The following CDK19 variants were observed in gnomAD, a reference collection of about 807,000 sequenced individuals.
The protein encoded by CDK19 is cyclin dependent kinase 19.
In CDK19, 20 loss-of-function variants were observed where a neutral mutation model predicts 68.3. The observed-to-expected ratio is 0.29, with a 90% CI of 0.21 to 0.43. The LOEUF is 0.43. CDK19 is among the 20% of genes least tolerant of loss of function. The pLI is 1.00. For synonymous variants in CDK19, 221 were observed against 222.8 expected, an observed-to-expected ratio of 0.99 and a Z score of 0.07; for missense variants, 339 against 623.5, an observed-to-expected ratio of 0.54 and a Z score of 4.86.
intron 1 of CDK19, among the ~76,000 whole-genome samples, chr6:110,787,985 G>A (rs1169262721): frequency 6.6e-6 from 1 of 151,924 alleles, no homozygotes; most frequent in Admixed American, 6.6e-5. Context: ...GATTACAGTC[G>A]TGCGCCACCA....
In CDK19 at chr6:110,614,561, G is replaced by T. The variant is rs928696407; in HGVS notation, c.1483C>A (p.Pro495Thr). 3.7e-6 allele frequency: 6 copies of T among 1,613,948 alleles called. No individual in the cohort carries two copies. In the African/African-American group the frequency reaches 8.0e-5, roughly 22 times the overall value. ...CAGTACCGGTGGGCCTGGTGAGATGGGTGGTACTGTGAGCTCTGCTGAGAC... is the reference window on the plus strand; with the variant it reads ...CAGTACCGGTGGGCCTGGTGAGATGTGTGGTACTGTGAGCTCTGCTGAGAC... Reference protein sequence around the residue: ...SSSQQSSQYHPSHQAHRY With the variant: ...SSSQQSSQYHTSHQAHRY The change falls in exon 13 of 13, where the codon CCA becomes ACA. Residue 495 changes from proline (P) to threonine (T), a missense_variant. By Grantham distance (38) the Pro-to-Thr change is conservative. Coordinates refer to ENST00000368911, the MANE Select transcript of CDK19 (RefSeq NM_015076.5).
At chr6:110,792,695 T>C (rs984287081) in intron 1 of CDK19, among the ~76,000 whole-genome samples, 71 of 152,260 alleles carry the variant, frequency 4.7e-4, no homozygotes, top group African/African-American at 1.7e-3. Context: ...CGAATACTTT[T>C]TTATAACAAT....
intron 2 of CDK19, among the ~76,000 whole-genome samples, chr6:110,720,560 T>G (rs144512367): frequency 9.3e-4 from 142 of 152,298 alleles, no homozygotes; most frequent in African/African-American, 3.1e-3. Flanking sequence ...CTAGCTTCAC[T>G]AAGATACATC....
At chr6:110,798,250 C>T (rs1426326504) in intron 1 of CDK19, among the ~76,000 whole-genome samples, 1 of 151,824 alleles carries the variant, frequency 6.6e-6, no homozygotes, top group East Asian at 1.9e-4. Flanking sequence ...AAGATGGCAA[C>T]TGTATTAAAG....
intron 1 of CDK19, among the ~76,000 whole-genome samples, chr6:110,783,653 A>G (rs1340078775): frequency 1.3e-5 from 2 of 151,974 alleles, no homozygotes; most frequent in Non-Finnish European, 2.9e-5. Flanking sequence ...AAAAAAAGAA[A>G]AAAAAAAGCA....
intron 4 of CDK19, among the ~76,000 whole-genome samples, chr6:110,664,355 G>A (rs1261742287): frequency 1.3e-5 from 2 of 152,118 alleles, no homozygotes; most frequent in Admixed American, 6.5e-5. Flanking sequence ...TTCTGGCCTT[G>A]CATAGATTCA....
At chr6:110,731,132 AAAGAAAAAAG>A (rs1439176241) in intron 2 of CDK19, among the ~76,000 whole-genome samples, 2 of 146,070 alleles carry the variant, frequency 1.4e-5, no homozygotes, top group Non-Finnish European at 1.5e-5. Context: ...AAAGAAAAGA[AAAGAAAAAAG>A]AAAAGAAAAG....
rs1458525278 is a variant in CDK19, at chr6:110,621,479, T to C, written c.1111-109A>G. The stretch of plus-strand genomic sequence containing the variant: ...CTGACCAACCTGGGGGAGCAATCTA[T>C]GTGGGACACTAGAGTGATGGGGAGG... On this transcript the variant is annotated intron_variant, in intron 11 of 12. Coordinates refer to ENST00000368911, the MANE Select transcript of CDK19 (RefSeq NM_015076.5). The surrounding 1 kb of genome is among the most constrained non-coding windows in gnomAD (Gnocchi z 5.4). The C allele has an allele frequency of 6.6e-6, 7 of 1,056,166 alleles. No homozygotes were observed. Among genetic ancestry groups the C allele is most frequent in the South Asian group, 4.7e-5 (3 of 63,874 alleles). 65.4% of individuals were successfully genotyped at this position (1,056,166 alleles called of 1,614,324 possible).
intron 2 of CDK19, among the ~76,000 whole-genome samples, chr6:110,705,259 CA>C (rs1360458365): frequency 1.3e-5 from 2 of 152,104 alleles, no homozygotes; most frequent in African/African-American, 4.8e-5. Flanking sequence ...AGGCTGGTCT[CA>C]AACTCCCAAC....
intron 1 of CDK19, among the ~76,000 whole-genome samples, chr6:110,781,927 T>C (rs368727273): frequency 7.1e-5 from 9 of 126,062 alleles, no homozygotes; most frequent in African/African-American, 3.1e-4. Context: ...CCAAAGTGGC[T>C]CCCTCACCGC....
intron 2 of CDK19, among the ~76,000 whole-genome samples, chr6:110,688,337 C>CTATATA (rs201328968): frequency 2.7e-5 from 4 of 149,740 alleles, no homozygotes; most frequent in African/African-American, 4.9e-5. Flanking sequence ...AAACAAAAAA[C>CTATATA]TATATATATA....
intron 4 of CDK19, among the ~76,000 whole-genome samples, chr6:110,660,494 G>A (rs1254821660): frequency 1.3e-5 from 2 of 152,144 alleles, no homozygotes; most frequent in Admixed American, 1.3e-4. Flanking sequence ...CTGCACTCGT[G>A]GCACCCGAGT....
intron 2 of CDK19, among the ~76,000 whole-genome samples, chr6:110,717,039 G>C (rs748243864): frequency 3.3e-5 from 5 of 152,184 alleles, no homozygotes; most frequent in Non-Finnish European, 5.9e-5. Context: ...GGCTGAGGCA[G>C]GAGAATCACT....
intron 2 of CDK19, among the ~76,000 whole-genome samples, chr6:110,734,874 T>C (rs1777120129): frequency 1.3e-5 from 2 of 152,152 alleles, no homozygotes; most frequent in African/African-American, 2.4e-5. Flanking sequence ...TAGATTATAA[T>C]AGATACTCAA....
intron 1 of CDK19, among the ~76,000 whole-genome samples, chr6:110,798,547 C>T (rs776343788): frequency 2.0e-5 from 3 of 150,848 alleles, no homozygotes; most frequent in African/African-American, 7.3e-5. Flanking sequence ...ATCCCTTGAA[C>T]CCGGGAGACA....
intron 1 of CDK19, among the ~76,000 whole-genome samples, chr6:110,759,558 G>A (rs532472349): frequency 7.3e-5 from 11 of 149,802 alleles, no homozygotes; most frequent in African/African-American, 2.5e-4. Context: ...AGCTATGATC[G>A]CACCATTGCA....
chr6:110,621,498 G>T lies in CDK19; in HGVS notation c.1111-128C>A. On this transcript the variant is annotated intron_variant, in intron 11 of 12. Transcript: ENST00000368911. The surrounding 1 kb of genome is among the most constrained non-coding windows in gnomAD (Gnocchi z 5.4). ...AATCTATGTGGGACACTAGAGTGATGGGGAGGACTGGAGAATGGAGCAGCC... is the reference window on the plus strand; with the variant it reads ...AATCTATGTGGGACACTAGAGTGATTGGGAGGACTGGAGAATGGAGCAGCC... The T allele has an allele frequency of 1.1e-6, 1 of 893,488 alleles. No homozygotes were observed. The highest frequency in any genetic ancestry group is 1.7e-6 in the Non-Finnish European group (1 of 587,392). The allele number at this position is 893,488 out of a possible 1,614,324, so 55.3% of individuals were successfully genotyped here. A position where few individuals can be genotyped will look rare whatever the true frequency, so the allele number is the denominator to read the frequency against.
At chr6:110,707,921 G>A (rs1774644134) in intron 2 of CDK19, among the ~76,000 whole-genome samples, 1 of 151,942 alleles carries the variant, frequency 6.6e-6, no homozygotes, top group Admixed American at 6.6e-5. Context: ...GCAGTGAGAC[G>A]AGATCATGCC....
intron 6 of CDK19, among the ~76,000 whole-genome samples, chr6:110,628,644 G>A (rs1310453776): frequency 6.6e-6 from 1 of 152,146 alleles, no homozygotes; most frequent in African/African-American, 2.4e-5. Flanking sequence ...CCCCTGGGGG[G>A]GTCTTGGGAC....
Sources: gnomAD v4.1 joint callset for allele counts (sites outside exome capture counted in the v4.1 genomes callset) on GRCh38, gnomAD v4.1.1 for gene constraint, Gnocchi (gnomAD v3.1) non-coding constraint, MANE v1.5 for transcripts, NCBI Gene and HGNC (gene_info 2026-07-23, HGNC 2026-07-21) for gene names.